ZNF469: variants seen among roughly 807,000 people sequenced by gnomAD.
ZNF469 encodes the protein zinc finger protein 469.
In ZNF469, 1 loss-of-function variant was observed where a neutral mutation model predicts 1.0. The ratio of observed to expected loss-of-function variants is 1.00; its 90% CI spans 0.35 to 4.73. The LOEUF (loss-of-function observed/expected upper bound fraction) is 4.73. Ranked by LOEUF, ZNF469 falls within the 30% of genes most tolerant of loss-of-function variation. The pLI, the probability that ZNF469 is intolerant of heterozygous loss-of-function variation, is 0.16. For synonymous variants in ZNF469, 2,703 were observed against 2,363.4 expected, an observed-to-expected ratio of 1.14 and a Z score of -4.17; for missense variants, 6,100 against 5,356.3, an observed-to-expected ratio of 1.14 and a Z score of -4.33.
At chr16:88,348,484 G>A in the ZNF469 span, among the ~76,000 whole-genome samples, 2 of 152,172 alleles carry the variant, frequency 1.3e-5, no homozygotes, top group South Asian at 2.1e-4. Flanking sequence ...ATATCCCTCA[G>A]GGGCCACCAT....
At chr16:88,330,985 C>A in the ZNF469 span, among the ~76,000 whole-genome samples, 1 of 152,088 alleles carries the variant, frequency 6.6e-6, no homozygotes, top group Non-Finnish European at 1.5e-5. Context: ...ATCGCCACCA[C>A]CATCACCATC....
chr16:88,258,379 G>T, the ZNF469 span, among the ~76,000 whole-genome samples: 3 of 152,166 alleles, frequency 2.0e-5, no homozygotes, highest in African/African-American at 7.2e-5. Context: ...CCACTCCCAT[G>T]AGACAGCACA....
chr16:88,437,556 G>A lies in ZNF469; in HGVS notation c.10086G>A (p.Gln3362=), dbSNP rs1202604747. The change falls in exon 3 of 3, where the codon CAG becomes CAA. Residue 3362 remains glutamine (Q), a synonymous_variant. Coordinates refer to ENST00000565624, the MANE Select transcript of ZNF469 (RefSeq NM_001367624.2). Reference sequence around the variant, plus strand: ...GCCACCTGGCGGTGCACAGCCCGCAGCGCGTCTACCTGTGCCCCCGGTGCC... The same window carrying A: ...GCCACCTGGCGGTGCACAGCCCGCAACGCGTCTACCTGTGCCCCCGGTGCC... The part of the protein sequence containing the change: ...LQRHLAVHSP[Q]RVYLCPRCPR... The A allele has an allele frequency of 1.9e-6, 3 of 1,539,826 alleles. No homozygotes were observed. The highest frequency in any genetic ancestry group is 2.6e-6 in the Non-Finnish European group (3 of 1,139,546).
chr16:88,257,591 T>G, the ZNF469 span, among the ~76,000 whole-genome samples: 1 of 152,226 alleles, frequency 6.6e-6, no homozygotes, highest in Non-Finnish European at 1.5e-5. Flanking sequence ...TGCCAAACCC[T>G]AGGTCATCTA....
At chr16:88,333,978 G>T in the ZNF469 span, among the ~76,000 whole-genome samples, 4 of 151,524 alleles carry the variant, frequency 2.6e-5, no homozygotes, top group Non-Finnish European at 5.9e-5. Context: ...GTGTGCATCT[G>T]TGTGTATCTG....
chr16:88,326,217 T>C, the ZNF469 span, among the ~76,000 whole-genome samples: 1 of 152,204 alleles, frequency 6.6e-6, no homozygotes, highest in African/African-American at 2.4e-5. Context: ...GCTCTTTCCA[T>C]GCTGTTCTCG....
At chr16:88,164,858 C>G in the ZNF469 span, among the ~76,000 whole-genome samples, 7 of 152,174 alleles carry the variant, frequency 4.6e-5, no homozygotes, top group Non-Finnish European at 1.0e-4. Context: ...GGAGGCAGGA[C>G]CAGCACAGGA....
the ZNF469 span, among the ~76,000 whole-genome samples, chr16:88,229,989 C>G: frequency 2.2e-4 from 33 of 152,282 alleles, no homozygotes; most frequent in East Asian, 5.0e-3. Context: ...GGGCAGCAGC[C>G]TACTTTCTCA....
At chr16:88,216,223 C>G in the ZNF469 span, among the ~76,000 whole-genome samples, 1 of 152,128 alleles carries the variant, frequency 6.6e-6, no homozygotes, top group Non-Finnish European at 1.5e-5. Context: ...AGGTCGGGTG[C>G]AGTGGCTCAC....
At chr16:88,284,365 C>T in the ZNF469 span, among the ~76,000 whole-genome samples, 4 of 152,158 alleles carry the variant, frequency 2.6e-5, no homozygotes, top group South Asian at 2.1e-4. Context: ...TCTCTTCGAC[C>T]GAGGGATCCT....
the ZNF469 span, among the ~76,000 whole-genome samples, chr16:88,110,694 T>G: frequency 2.6e-5 from 4 of 152,196 alleles, no homozygotes; most frequent in African/African-American, 9.6e-5. Flanking sequence ...TAAAGTGTCT[T>G]CTCTAGACAA....
chr16:88,343,058 A>G, the ZNF469 span, among the ~76,000 whole-genome samples: 1 of 152,190 alleles, frequency 6.6e-6, no homozygotes, highest in Non-Finnish European at 1.5e-5. Flanking sequence ...ACTGAGAAGC[A>G]TAGGCGTCCT....
At chr16:88,309,623 T>A in the ZNF469 span, among the ~76,000 whole-genome samples, 14 of 142,560 alleles carry the variant, frequency 9.8e-5, 1 homozygote, top group African/African-American at 3.7e-4. Flanking sequence ...AGGTCCCCTG[T>A]CAGTGTTCAG....
Position 88,439,023 on chromosome 16 carries a change from G to A in ZNF469, c.11553G>A (p.Gln3851=). 1 of 1,550,398 alleles carries A rather than the reference G, an allele frequency of 6.4e-7. No individual in the cohort carries two copies. The highest frequency in any genetic ancestry group is 8.7e-7 in the Non-Finnish European group (1 of 1,146,970). Residue 3851 remains glutamine (Q), a synonymous_variant, in exon 3 of 3, where the codon CAG becomes CAA. Coordinates refer to ENST00000565624, the MANE Select transcript of ZNF469 (RefSeq NM_001367624.2). ...AGCCCCCCCGGACCCCTCGGAAGCA[G>A]GCAACTCCCAGCCGCGTGCTCCCGA... is the stretch of plus-strand genomic sequence containing the variant. ...PDKPPRTPRK[Q]ATPSRVLPTK... is the part of the protein sequence containing the mutation.
the ZNF469 span, among the ~76,000 whole-genome samples, chr16:88,346,518 T>A: frequency 6.6e-6 from 1 of 152,222 alleles, no homozygotes; most frequent in Non-Finnish European, 1.5e-5. Context: ...TTATTTACTT[T>A]TATTTTTTTT....
the ZNF469 span, chr16:88,192,377 G>T: frequency 6.6e-6 from 1 of 152,274 alleles, no homozygotes; most frequent in Admixed American, 6.5e-5. Flanking sequence ...CACCCCCTTG[G>T]TAACTCTTTT....
chr16:88,425,206 C>T (rs1381640943), intron 2 of ZNF469, among the ~76,000 whole-genome samples: 1 of 152,208 alleles, frequency 6.6e-6, no homozygotes, highest in Non-Finnish European at 1.5e-5. Context: ...TCCCCACCAT[C>T]CAGGACTCCG....
chr16:88,193,231 G>A, the ZNF469 span, among the ~76,000 whole-genome samples: 3 of 110,882 alleles, frequency 2.7e-5, no homozygotes, highest in South Asian at 3.4e-4. Flanking sequence ...GGTGGTGGTG[G>A]GGATGGTGGT....
the ZNF469 span, among the ~76,000 whole-genome samples, chr16:88,357,277 G>A: frequency 6.6e-6 from 1 of 152,262 alleles, no homozygotes; most frequent in Admixed American, 6.5e-5. Flanking sequence ...ACAATGGGAT[G>A]ACAACCTCTC....
Sources: gnomAD v4.1 joint callset for allele counts (sites outside exome capture counted in the v4.1 genomes callset) on GRCh38, gnomAD v4.1.1 for gene constraint, MANE v1.5 for transcripts, NCBI Gene and HGNC (gene_info 2026-07-23, HGNC 2026-07-21) for gene names.